Variants in ZNRF3 observed in about 807,000 individuals in gnomAD.
ZNRF3 encodes the protein zinc and ring finger 3, also known as E3 ubiquitin-protein ligase ZNRF3.
ZNRF3 carries 23 observed loss-of-function variants against 72.5 expected under a neutral mutation model. The observed-to-expected ratio is 0.32, with a 90% CI of 0.23 to 0.45. The LOEUF (loss-of-function observed/expected upper bound fraction) is 0.45, where lower values mean the gene tolerates loss of function less well. ZNRF3 is among the 20% of genes least tolerant of loss of function. ZNRF3 has a pLI of 1.00. For missense variants in ZNRF3, 1,169 were observed against 1,272.1 expected (o/e 0.92, Z 1.23); for synonymous variants, 610 against 545.3 (o/e 1.12, Z -1.65).
rs56876101 is a variant in ZNRF3 at position 28,918,537 on chromosome 22, CGTGTGTGTGTGT to C, written c.300+34504_300+34515del. 6.2e-3 allele frequency among the ~76,000 whole-genome samples: 925 copies of C among 148,834 alleles called. 7 individuals carry two copies. Among genetic ancestry groups the C allele is most frequent in the South Asian group, 0.043 (202 of 4,684 alleles). Reference sequence around the variant, plus strand: ...GTGTGTATGTGTATCTGCATGTGTGCGTGTGTGTGTGTGTGTGTGTGTGTGTGTGTGTGTGTG... The same window carrying C: ...GTGTGTATGTGTATCTGCATGTGTGCGTGTGTGTGTGTGTGTGTGTGTGTG... On this transcript the variant is annotated intron_variant, in intron 1 of 8. Transcript: ENST00000544604.
chr22:29,006,308 G>T lies in ZNRF3; in HGVS notation c.426+19107G>T, dbSNP rs558174414. Reference sequence around the variant, plus strand: ...GGCTCACCGCAACCTCCACCTCCCGGGTTAAAGCGATTCTCCTGCCTCAGC... The same window carrying T: ...GGCTCACCGCAACCTCCACCTCCCGTGTTAAAGCGATTCTCCTGCCTCAGC... On this transcript the variant is annotated intron_variant, in intron 2 of 8. Transcript: ENST00000544604. Among the ~76,000 whole-genome samples, 27 of 144,742 alleles carry T rather than the reference G, an allele frequency of 1.9e-4. No homozygotes were observed. The South Asian group carries it at 6.0e-3, about 32-fold the overall frequency. 95.0% of individuals were successfully genotyped at this position (144,742 alleles called of 152,430 possible). A position where few individuals can be genotyped will look rare whatever the true frequency, so the allele number is the denominator to read the frequency against.
Position 29,048,514 on chromosome 22 carries a change from A to C in ZNRF3, c.1015+23A>C. 1 of 1,610,490 alleles carries C rather than the reference A, an allele frequency of 6.2e-7. No homozygotes were observed. The highest frequency in any genetic ancestry group is 8.5e-7 in the Non-Finnish European group (1 of 1,176,742). ...TAGGTAACTGTCACCCGCCTTAGCCATTGCTGAAGAGTCAAGTGCCTAGCT... is the reference window on the plus strand; with the variant it reads ...TAGGTAACTGTCACCCGCCTTAGCCCTTGCTGAAGAGTCAAGTGCCTAGCT... On this transcript the variant is annotated intron_variant, in intron 7 of 8. Transcript: ENST00000544604. The surrounding 1 kb of genome is among the most constrained non-coding windows in gnomAD (Gnocchi z 4.9).
chr22:28,896,279 CGTGT>C (rs1348672555), intron 1 of ZNRF3, among the ~76,000 whole-genome samples: 1 of 152,174 alleles, frequency 6.6e-6, no homozygotes, highest in Admixed American at 6.5e-5. Flanking sequence ...GGACTACAGG[CGTGT>C]GCCACCACGC....
chr22:28,946,767 A>C (rs537481692), intron 1 of ZNRF3, among the ~76,000 whole-genome samples: 5 of 152,248 alleles, frequency 3.3e-5, no homozygotes, highest in African/African-American at 1.2e-4. Flanking sequence ...AGTGGGTTTC[A>C]TTTGTGTTTG....
chr22:28,938,888 G>A (rs2034889743), intron 1 of ZNRF3, among the ~76,000 whole-genome samples: 1 of 152,172 alleles, frequency 6.6e-6, no homozygotes, highest in Non-Finnish European at 1.5e-5. Flanking sequence ...TGGAAGTATA[G>A]CATCAGATTT....
intron 1 of ZNRF3, among the ~76,000 whole-genome samples, chr22:28,973,390 A>G (rs932938899): frequency 4.6e-5 from 7 of 152,124 alleles, no homozygotes; most frequent in African/African-American, 1.7e-4. Flanking sequence ...TATGATGTCT[A>G]TTGCCCTACT....
At chr22:28,986,927 A>C in intron 1 of ZNRF3, 149 bp from the exon 2 acceptor site, 1 of 1,056,894 alleles carries the variant, frequency 9.5e-7, no homozygotes, top group Non-Finnish European at 1.3e-6. Flanking sequence ...TGCTGAAATA[A>C]AATTCCCCTT....
chr22:28,981,189 C>G (rs2035757211), intron 1 of ZNRF3, among the ~76,000 whole-genome samples: 1 of 152,124 alleles, frequency 6.6e-6, no homozygotes, highest in Non-Finnish European at 1.5e-5. Context: ...GAATAACACG[C>G]CTGGTTTTTA....
At chr22:29,047,006 T>A (rs2092655268) in intron 6 of ZNRF3, 123 bp downstream of exon 6, 1 of 958,844 alleles carries the variant, frequency 1.0e-6, no homozygotes, top group Non-Finnish European at 1.4e-6. Context: ...GAGTCACTCT[T>A]CTGAAAATTC....
At position 29,049,578 on chromosome 22, in the gene ZNRF3, A is replaced by T; in HGVS notation, c.1397A>T (p.Glu466Val). 1 of 1,606,998 alleles carries T rather than the reference A, an allele frequency of 6.2e-7. No individual in the cohort carries two copies. Residue 466 changes from glutamate to valine, a missense_variant, in exon 8 of 9, where the codon GAG becomes GTG. By Grantham distance (121) the Glu-to-Val change is moderately radical. Coordinates refer to ENST00000544604, the MANE Select transcript of ZNRF3 (RefSeq NM_001206998.2). This position sits in a 1 kb window ranked among gnomAD's most constrained non-coding sequence, Gnocchi z 5.2. ...AAGGCAGCTTGCTTCTCCCAGTATG[A>T]GACCATGTACCAGCACTACTACTTC... ...FSKAACFSQY[E>V]TMYQHYYFQG... is the part of the protein sequence containing the mutation.
chr22:29,046,804 G>C lies in ZNRF3; in HGVS notation c.833G>C (p.Ser278Thr). The C allele has an allele frequency of 6.2e-7, 1 of 1,611,988 alleles. No individual in the cohort carries two copies. Among genetic ancestry groups the C allele is most frequent in the Non-Finnish European group, 8.5e-7 (1 of 1,178,958 alleles). Residue 278 changes from serine to threonine, a missense_variant, in exon 6 of 9, where the codon AGC becomes ACC. Physicochemically the swap from Ser to Thr is moderately conservative, Grantham distance 58 (BLOSUM62 1). Transcript: ENST00000544604. ...NSKSKGRREG[S>T]CGALDTLSSS... ...AAGAGCAAGGGGCGCCGGGAGGGGAGCTGTGGGGCCCTGGACACACTCAGC... is the reference window on the plus strand; with the variant it reads ...AAGAGCAAGGGGCGCCGGGAGGGGACCTGTGGGGCCCTGGACACACTCAGC...
At chr22:28,945,731 T>C (rs1481907729) in intron 1 of ZNRF3, among the ~76,000 whole-genome samples, 3 of 152,048 alleles carry the variant, frequency 2.0e-5, no homozygotes, top group African/African-American at 4.8e-5. Flanking sequence ...GGTTTCACCA[T>C]GTTGGCCAGG....
chr22:29,036,521 C>T (rs187202851), intron 2 of ZNRF3, among the ~76,000 whole-genome samples: 3 of 152,280 alleles, frequency 2.0e-5, no homozygotes, highest in East Asian at 1.9e-4. Flanking sequence ...ATCAACAGAC[C>T]GCCTAACCCA....
intron 2 of ZNRF3, among the ~76,000 whole-genome samples, chr22:29,005,737 T>TC (rs2036229993): frequency 6.6e-6 from 1 of 152,098 alleles, no homozygotes; most frequent in Non-Finnish European, 1.5e-5. Flanking sequence ...GAGTCAGTGG[T>TC]CTAGTGATCT....
intron 2 of ZNRF3, among the ~76,000 whole-genome samples, chr22:29,008,808 G>T (rs1157252726): frequency 6.6e-6 from 1 of 152,182 alleles, no homozygotes; most frequent in Non-Finnish European, 1.5e-5. Context: ...ACTCGCAATT[G>T]ATTTTCTAAT....
chr22:28,919,170 G>C (rs1490074770), intron 1 of ZNRF3, among the ~76,000 whole-genome samples: 1 of 152,162 alleles, frequency 6.6e-6, no homozygotes, highest in Non-Finnish European at 1.5e-5. Context: ...CCCACAGAGG[G>C]GACCACACAA....
intron 1 of ZNRF3, among the ~76,000 whole-genome samples, chr22:28,887,085 G>T (rs890353036): frequency 1.3e-5 from 2 of 152,250 alleles, no homozygotes; most frequent in South Asian, 4.2e-4. Flanking sequence ...TTCCACTGGG[G>T]TTCTGTAGCA....
At position 28,937,195 on chromosome 22, in the gene ZNRF3, ATATATATATATATATATATATTTTTTTT is replaced by A. The variant is rs1362379572; in HGVS notation, c.301-49879_301-49852del. Among the ~76,000 whole-genome samples, 707 of 91,136 alleles carry A rather than the reference ATATATATATATATATATATATTTTTTTT, an allele frequency of 7.8e-3. 17 individuals are homozygous for A. Among genetic ancestry groups the A allele is most frequent in the South Asian group, 0.02 (63 of 3,164 alleles). The allele number at this position is 91,136 out of a possible 152,430, so 59.8% of individuals were successfully genotyped here. A position where few individuals can be genotyped will look rare whatever the true frequency, so the allele number is the denominator to read the frequency against. On this transcript the variant is annotated intron_variant, in intron 1 of 8. Coordinates refer to ENST00000544604, the MANE Select transcript of ZNRF3 (RefSeq NM_001206998.2). Reference sequence around the variant, plus strand: ...TTATAATATATATATATATATATATATATATATATATATATATATATTTTTTTTTTTTTTTTTTTTTTTAACAAAAGGA... The same window carrying A: ...TTATAATATATATATATATATATATATTTTTTTTTTTTTTTAACAAAAGGA...
intron 1 of ZNRF3, among the ~76,000 whole-genome samples, chr22:28,891,781 A>G (rs1008792538): frequency 6.6e-6 from 1 of 152,244 alleles, no homozygotes; most frequent in Non-Finnish European, 1.5e-5. Flanking sequence ...CAACTGAGAA[A>G]ATCCCCTATC....
Sources: gnomAD v4.1 joint callset for allele counts (sites outside exome capture counted in the v4.1 genomes callset) on GRCh38, gnomAD v4.1.1 for gene constraint, Gnocchi (gnomAD v3.1) non-coding constraint, MANE v1.5 for transcripts, NCBI Gene and HGNC (gene_info 2026-07-23, HGNC 2026-07-21) for gene names.